HPGDS: variants seen among roughly 807,000 people sequenced by gnomAD.
HPGDS encodes the protein hematopoietic prostaglandin D synthase.
In HPGDS, 26 loss-of-function variants were observed where a neutral mutation model predicts 23.1. The ratio of observed to expected loss-of-function variants is 1.13; its 90% confidence interval spans 0.83 to 1.56. HPGDS has a LOEUF of 1.56. HPGDS is among the 40% of genes most tolerant of loss of function. The pLI, the probability that HPGDS is intolerant of heterozygous loss-of-function variation, is 0.00. For synonymous variants in HPGDS, 95 were observed against 77.9 expected (o/e 1.22, Z -1.16); for missense variants, 268 against 236.4 (o/e 1.13, Z -0.88).
chr4:94,336,977 T>C (rs1721034163), intron 1 of HPGDS, among the ~76,000 whole-genome samples: 1 of 145,026 alleles, frequency 6.9e-6, no homozygotes, highest in Admixed American at 6.8e-5. Context: ...TTCGTTTTGT[T>C]TTGTTGCAGC....
chr4:94,327,246 A>G (rs185359292), intron 2 of HPGDS, among the ~76,000 whole-genome samples: 1 of 152,236 alleles, frequency 6.6e-6, no homozygotes, highest in African/African-American at 2.4e-5. Flanking sequence ...CCCCTGGATG[A>G]TGTGCACAAG....
At chr4:94,340,311 C>CTTTTCTT (rs1721126934) in intron 1 of HPGDS, among the ~76,000 whole-genome samples, 3 of 23,686 alleles carry the variant, frequency 1.3e-4, no homozygotes, top group Non-Finnish European at 2.6e-4. Context: ...CTTTCTTTCT[C>CTTTTCTT]TTTTTTTTTT....
chr4:94,327,420 T>C (rs1756653891), intron 2 of HPGDS, among the ~76,000 whole-genome samples: 1 of 152,024 alleles, frequency 6.6e-6, no homozygotes, highest in Non-Finnish European at 1.5e-5. Flanking sequence ...CCCAGACCCC[T>C]GGATAATGTG....
intron 1 of HPGDS, among the ~76,000 whole-genome samples, chr4:94,336,996 A>G (rs1721034446): frequency 6.6e-6 from 1 of 151,908 alleles, no homozygotes; most frequent in South Asian, 2.1e-4. Context: ...GCACAGTCTC[A>G]CTCTGTCCCC....
intron 4 of HPGDS, among the ~76,000 whole-genome samples, chr4:94,304,569 G>A (rs544972426): frequency 6.6e-6 from 1 of 151,982 alleles, no homozygotes; most frequent in Non-Finnish European, 1.5e-5. Context: ...ACCACAAGAT[G>A]GCAGCAATGT....
intron 2 of HPGDS, among the ~76,000 whole-genome samples, chr4:94,329,774 T>C (rs1481949426): frequency 6.6e-6 from 1 of 152,200 alleles, no homozygotes; most frequent in Non-Finnish European, 1.5e-5. Context: ...CAAGAAGACA[T>C]TTAAGAAGGC....
intron 1 of HPGDS, 88 bp from the exon 2 acceptor site, chr4:94,334,726 G>A: frequency 8.3e-7 from 1 of 1,208,932 alleles, no homozygotes; most frequent in Non-Finnish European, 1.1e-6. Flanking sequence ...AAAACTTTAT[G>A]GCATCTCTTG....
At chr4:94,303,197 G>A (rs1334919711) in intron 4 of HPGDS, among the ~76,000 whole-genome samples, 1 of 152,082 alleles carries the variant, frequency 6.6e-6, no homozygotes, top group Non-Finnish European at 1.5e-5. Flanking sequence ...ACAACATAAT[G>A]CCTTATATTT....
chr4:94,323,229 T>G (rs1756553649), intron 2 of HPGDS, among the ~76,000 whole-genome samples: 1 of 152,224 alleles, frequency 6.6e-6, no homozygotes, highest in African/African-American at 2.4e-5. Flanking sequence ...CTGAGAAGAA[T>G]GTATATTCTG....
intron 3 of HPGDS, among the ~76,000 whole-genome samples, chr4:94,316,658 ATTC>A (rs1042629170): frequency 4.6e-5 from 7 of 152,208 alleles, no homozygotes; most frequent in African/African-American, 1.7e-4. Context: ...TTTGAAGTTC[ATTC>A]TTCTTCTCAT....
chr4:94,308,367 A>G (rs1756179809), intron 4 of HPGDS, among the ~76,000 whole-genome samples: 2 of 152,104 alleles, frequency 1.3e-5, no homozygotes, highest in Non-Finnish European at 2.9e-5. Flanking sequence ...AGGAAGTCAT[A>G]TTTATTTATC....
chr4:94,334,713 T>C, intron 1 of HPGDS, 75 bp from the exon 2 acceptor site: 2 of 1,411,866 alleles, frequency 1.4e-6, no homozygotes, highest in South Asian at 2.9e-5. Context: ...CAGAATTTTT[T>C]GGAAAACTTT....
chr4:94,341,986 C>T (rs1721182818), intron 1 of HPGDS, among the ~76,000 whole-genome samples: 3 of 152,168 alleles, frequency 2.0e-5, no homozygotes, highest in Non-Finnish European at 2.9e-5. Context: ...CACAGTGTCC[C>T]TGGGCATTTC....
chr4:94,325,788 A>G (rs1160473428), intron 2 of HPGDS, among the ~76,000 whole-genome samples: 1 of 152,122 alleles, frequency 6.6e-6, no homozygotes, highest in East Asian at 1.9e-4. Flanking sequence ...CGTGGGCTGC[A>G]CCCACTGACC....
At chr4:94,320,257 A>T (rs1262584217) in intron 2 of HPGDS, among the ~76,000 whole-genome samples, 2 of 152,176 alleles carry the variant, frequency 1.3e-5, no homozygotes, top group Non-Finnish European at 2.9e-5. Context: ...CATGATTTAT[A>T]ATCCTTTGGG....
chr4:94,328,451 A>G (rs1212819440), intron 2 of HPGDS, among the ~76,000 whole-genome samples: 1 of 152,240 alleles, frequency 6.6e-6, no homozygotes, highest in African/African-American at 2.4e-5. Flanking sequence ...AGCAGATACC[A>G]TATTAATATT....
At chr4:94,320,686 C>T (rs554882138) in intron 2 of HPGDS, among the ~76,000 whole-genome samples, 1 of 152,264 alleles carries the variant, frequency 6.6e-6, no homozygotes, top group Non-Finnish European at 1.5e-5. Context: ...GGATAGATTG[C>T]AAAATTTTTC....
At chr4:94,304,994 G>A (rs1242214146) in intron 4 of HPGDS, among the ~76,000 whole-genome samples, 4 of 151,972 alleles carry the variant, frequency 2.6e-5, no homozygotes, top group Admixed American at 2.6e-4. Flanking sequence ...TTCTAAATTG[G>A]AGAGCATCTG....
At chr4:94,305,386 C>G (rs1756121012) in intron 4 of HPGDS, among the ~76,000 whole-genome samples, 1 of 151,894 alleles carries the variant, frequency 6.6e-6, no homozygotes, top group Admixed American at 6.6e-5. Flanking sequence ...GTGGGCAGAC[C>G]CTACACACCT....
Sources: allele counts gnomAD v4.1 joint callset (sites outside exome capture counted in the v4.1 genomes callset), GRCh38; gene constraint gnomAD v4.1.1; transcripts MANE v1.5; gene names NCBI Gene and HGNC (gene_info 2026-07-23, HGNC 2026-07-21).